The following NACC2 variants were observed in gnomAD, a reference collection of about 807,000 sequenced individuals.
NACC2 encodes the protein nucleus accumbens-associated protein 2.
Under a neutral mutation model 25.1 loss-of-function variants are expected in NACC2, and 8 were observed. The ratio of observed to expected loss-of-function variants is 0.32; its 90% CI spans 0.19 to 0.57. The LOEUF (loss-of-function observed/expected upper bound fraction) is 0.57, where lower values mean the gene tolerates loss of function less well. NACC2 is among the 20% of genes least tolerant of loss of function. NACC2 has a pLI of 0.89. For missense variants in NACC2, 644 were observed against 650.2 expected (o/e 0.99, Z 0.10); for synonymous variants, 435 against 294.7 (o/e 1.48, Z -4.88).
intron 2 of NACC2, among the ~76,000 whole-genome samples, chr9:136,031,432 G>C (rs1840471243): frequency 6.6e-6 from 1 of 152,090 alleles, no homozygotes; most frequent in Admixed American, 6.5e-5. Flanking sequence ...CTGCCTCCCG[G>C]GTTCGAGCAA....
intron 1 of NACC2, among the ~76,000 whole-genome samples, chr9:136,083,687 G>GC (rs1173858219): frequency 1.3e-5 from 2 of 152,252 alleles, no homozygotes; most frequent in Non-Finnish European, 2.9e-5. Flanking sequence ...GCAGGCGGGG[G>GC]CCCCGAGACA....
intron 1 of NACC2, among the ~76,000 whole-genome samples, chr9:136,054,509 C>T (rs1012903452): frequency 3.3e-5 from 5 of 152,194 alleles, no homozygotes; most frequent in Admixed American, 6.5e-5. Flanking sequence ...GCTTGGCTCA[C>T]GCCCCCAGGG....
chr9:136,027,792 C>CA (rs1186508191), intron 2 of NACC2, among the ~76,000 whole-genome samples: 1 of 151,938 alleles, frequency 6.6e-6, no homozygotes, highest in African/African-American at 2.4e-5. Flanking sequence ...AGATCTCTCT[C>CA]AAAAACTAGG....
At position 136,019,802 on chromosome 9, in the gene NACC2, C is replaced by T. The variant is rs768339919; in HGVS notation, c.887-3373G>A. On this transcript the variant is annotated intron_variant, in intron 2 of 5. Transcript: ENST00000277554. This position sits in a 1 kb window ranked among gnomAD's most constrained non-coding sequence, Gnocchi z 5.2. ...TCAGGGACCCAGAAGGAGCCCCCGC[C>T]GTACCTTCCAGGCCCTTCTGCTCCC... Among the ~76,000 whole-genome samples the T allele has an allele frequency of 1.3e-5, 2 of 152,130 alleles. No individual in the cohort carries two copies. The highest frequency in any genetic ancestry group is 6.6e-5 in the Admixed American group (1 of 15,260).
Position 136,049,745 on chromosome 9 carries a change from G to A in NACC2, c.777C>T (p.Ser259=). 1 of 778,550 alleles carries A rather than the reference G, an allele frequency of 1.3e-6. No individual in the cohort carries two copies. The highest frequency in any genetic ancestry group is 2.4e-5 in the East Asian group (1 of 41,194). The allele number at this position is 778,550 out of a possible 1,614,324, so 48.2% of individuals were successfully genotyped here. A position where few individuals can be genotyped will look rare whatever the true frequency, so the allele number is the denominator to read the frequency against. ...CCTCCTCGTTGTGGTACGAGGTGGGGCTGTCGGTGGTGGGCAGGCTGCTGG... is the reference window on the plus strand; with the variant it reads ...CCTCCTCGTTGTGGTACGAGGTGGGACTGTCGGTGGTGGGCAGGCTGCTGG... ...PGASSLPTTD[S]PTSYHNEEDE... The change falls in exon 2 of 6, where the codon AGC becomes AGT. Residue 259 remains serine, a synonymous_variant. Coordinates refer to ENST00000277554, the MANE Select transcript of NACC2 (RefSeq NM_144653.5).
intron 1 of NACC2, among the ~76,000 whole-genome samples, chr9:136,065,410 A>G (rs951697033): frequency 6.6e-6 from 1 of 152,232 alleles, no homozygotes; most frequent in African/African-American, 2.4e-5. Flanking sequence ...ACTTGAGGTC[A>G]GAAGTTCAAG....
Position 136,022,734 on chromosome 9 carries a change from T to C in NACC2, c.887-6305A>G, listed in dbSNP as rs962446091. Among the ~76,000 whole-genome samples the C allele has an allele frequency of 1.3e-5, 2 of 152,024 alleles. No individual in the cohort carries two copies. Among genetic ancestry groups the C allele is most frequent in the Non-Finnish European group, 2.9e-5 (2 of 68,014 alleles). On this transcript the variant is annotated intron_variant, in intron 2 of 5. Coordinates refer to ENST00000277554, the MANE Select transcript of NACC2 (RefSeq NM_144653.5). The surrounding 1 kb of genome is among the most constrained non-coding windows in gnomAD (Gnocchi z 4.4). ...AGTGCTGGCTGGGGCAGTGCCTCTG[T>C]CATCCTCCAGAAAGACCAGAAACGA...
intron 3 of NACC2, among the ~76,000 whole-genome samples, chr9:136,014,298 C>T (rs1169453156): frequency 1.3e-5 from 2 of 152,088 alleles, no homozygotes; most frequent in Non-Finnish European, 2.9e-5. Flanking sequence ...GCTCCCTCCC[C>T]AAGAACACAC....
intron 1 of NACC2, among the ~76,000 whole-genome samples, chr9:136,089,485 C>G (rs79872970): frequency 0.024 from 3,688 of 152,082 alleles, 137 homozygotes; most frequent in African/African-American, 0.083. Context: ...TGTCACCCCC[C>G]ACAACCCCAC....
intron 1 of NACC2, among the ~76,000 whole-genome samples, chr9:136,061,426 T>G (rs1055993276): frequency 6.6e-6 from 1 of 151,888 alleles, no homozygotes; most frequent in East Asian, 1.9e-4. Flanking sequence ...CAGGCCCAGC[T>G]CCCAGGCTGC....
intron 1 of NACC2, among the ~76,000 whole-genome samples, chr9:136,078,116 A>G (rs1401812935): frequency 6.6e-6 from 1 of 152,198 alleles, no homozygotes; most frequent in African/African-American, 2.4e-5. Flanking sequence ...CTATCTTTAA[A>G]CAATCCATGC....
chr9:136,009,710 C>G lies in NACC2; in HGVS notation c.*1806G>C, dbSNP rs1840075443. On this transcript the variant is annotated 3_prime_UTR_variant, in exon 6 of 6. Transcript: ENST00000277554. ...AGTGGGAATGCGTCTAACCCACACC[C>G]TGTAGGTCCCCAGGCCAGGGTGCAG... 6.6e-6 allele frequency: 1 copy of G among 152,316 alleles called. No individual in the cohort carries two copies. Among genetic ancestry groups the G allele is most frequent in the Non-Finnish European group, 1.5e-5 (1 of 68,116 alleles). The allele number at this position is 152,316 out of a possible 1,614,324, so 9.4% of individuals were successfully genotyped here. A position where few individuals can be genotyped will look rare whatever the true frequency, so the allele number is the denominator to read the frequency against.
At chr9:136,049,325 G>A (rs1840778369) in intron 2 of NACC2, among the ~76,000 whole-genome samples, 2 of 152,216 alleles carry the variant, frequency 1.3e-5, no homozygotes, top group Admixed American at 1.3e-4. Context: ...CGTGGCGCCA[G>A]GCCCTTCACA....
intron 3 of NACC2, among the ~76,000 whole-genome samples, chr9:136,014,426 C>T (rs567106975): frequency 1.3e-5 from 2 of 152,274 alleles, no homozygotes; most frequent in South Asian, 4.1e-4. Context: ...CACCTCAGCC[C>T]CCTGAGTAGC....
At chr9:136,081,863 C>G (rs1027567857) in intron 1 of NACC2, among the ~76,000 whole-genome samples, 1 of 152,118 alleles carries the variant, frequency 6.6e-6, no homozygotes, top group Admixed American at 6.5e-5. Flanking sequence ...CAGCCCCCAC[C>G]CCCGCCCACC....
chr9:136,045,049 C>T (rs1436834934), intron 2 of NACC2, among the ~76,000 whole-genome samples: 2 of 152,238 alleles, frequency 1.3e-5, no homozygotes, highest in Non-Finnish European at 2.9e-5. Context: ...TGGCATCTGT[C>T]CAGGGTCCAG....
intron 1 of NACC2, among the ~76,000 whole-genome samples, chr9:136,059,596 G>A (rs913526784): frequency 1.3e-5 from 2 of 152,192 alleles, no homozygotes; most frequent in Non-Finnish European, 2.9e-5. Flanking sequence ...CTCCAGCAAC[G>A]CGTCCAGGTC....
At chr9:136,090,067 A>G (rs978708086) in intron 1 of NACC2, among the ~76,000 whole-genome samples, 3 of 152,264 alleles carry the variant, frequency 2.0e-5, no homozygotes, top group African/African-American at 7.2e-5. Flanking sequence ...TGCAATGGAA[A>G]TGAAATTAAA....
chr9:136,085,137 ATTTTTTTTTTTT>A (rs913472378), intron 1 of NACC2, among the ~76,000 whole-genome samples: 1 of 82,770 alleles, frequency 1.2e-5, no homozygotes, highest in African/African-American at 4.4e-5. Context: ...CATTTCTACA[ATTTTTTTTTTTT>A]TTTTTTTTTT....
Sources: gnomAD v4.1 joint callset for allele counts (sites outside exome capture counted in the v4.1 genomes callset) on GRCh38, gnomAD v4.1.1 for gene constraint, Gnocchi (gnomAD v3.1) non-coding constraint, MANE v1.5 for transcripts, NCBI Gene and HGNC (gene_info 2026-07-23, HGNC 2026-07-21) for gene names.